Variants in GSAP observed in about 807,000 individuals in gnomAD.
GSAP encodes the protein gamma-secretase activating protein.
GSAP carries 118 observed loss-of-function variants against 131.7 expected under a neutral mutation model. That is an observed-to-expected ratio of 0.90 (90% CI 0.77 to 1.04). GSAP has a LOEUF of 1.04. GSAP is among the 50% of genes least tolerant of loss of function. GSAP has a pLI of 0.00. For synonymous variants in GSAP, 381 were observed against 363.4 expected (o/e 1.05, Z -0.55); for missense variants, 1,019 against 1,013.2 (o/e 1.01, Z -0.08).
chr7:77,389,289 G>A (rs1799058449), intron 5 of GSAP, among the ~76,000 whole-genome samples: 1 of 147,704 alleles, frequency 6.8e-6, no homozygotes, highest in East Asian at 2.0e-4. Flanking sequence ...ATGTGTGTGT[G>A]TATATATATA....
intron 1 of GSAP, among the ~76,000 whole-genome samples, chr7:77,411,098 TAAAAA>T (rs57255266): frequency 1.8e-5 from 2 of 108,866 alleles, no homozygotes; most frequent in African/African-American, 3.6e-5. Context: ...AAGAAAATAG[TAAAAA>T]AAAAAAAAAA....
At chr7:77,396,840 G>T in intron 5 of GSAP, 142 bp downstream of exon 5, 3 of 474,836 alleles carry the variant, frequency 6.3e-6, no homozygotes, top group African/African-American at 2.0e-5. Flanking sequence ...TCTTTTTCAT[G>T]CTTGACATGA....
At chr7:77,330,486 A>T (rs1788942619) in intron 19 of GSAP, 119 bp from the exon 20 acceptor site, 1 of 1,428,498 alleles carries the variant, frequency 7.0e-7, no homozygotes, top group Non-Finnish European at 9.2e-7. Flanking sequence ...CTGAGTGAAT[A>T]CTTTGTACAG....
rs1200040086 is a variant in GSAP, at chr7:77,334,579, T to TA, written c.1546-4213_1546-4212insT. On this transcript the variant is annotated intron_variant, in intron 19 of 30. Transcript: ENST00000257626. ...GCCCATGTATCCTGGAACTTAAAATTTAAAAAAAAAAAAAAAAAAAAAAAA... is the reference window on the plus strand; with the variant it reads ...GCCCATGTATCCTGGAACTTAAAATTATAAAAAAAAAAAAAAAAAAAAAAAA... 3.0e-3 allele frequency among the ~76,000 whole-genome samples: 249 copies of TA among 82,390 alleles called. 9 individuals carry two copies. Among genetic ancestry groups the TA allele is most frequent in the African/African-American group, 7.9e-3 (162 of 20,406 alleles). 54.1% of individuals were successfully genotyped at this position (82,390 alleles called of 152,430 possible).
intron 30 of GSAP, 90 bp from the exon 31 acceptor site, chr7:77,311,539 A>G (rs1794356182): frequency 1.5e-6 from 1 of 672,916 alleles, no homozygotes; most frequent in Non-Finnish European, 2.6e-6. Context: ...CATTAAAATC[A>G]TAATTGTATT....
intron 2 of GSAP, 134 bp from the exon 3 acceptor site, chr7:77,404,749 A>AG: frequency 1.6e-6 from 1 of 635,642 alleles, no homozygotes. Flanking sequence ...TGCCTGTCAG[A>AG]GGGGGACTGA....
intron 12 of GSAP, among the ~76,000 whole-genome samples, chr7:77,366,145 A>G (rs932123565): frequency 6.6e-6 from 1 of 152,064 alleles, no homozygotes; most frequent in African/African-American, 2.4e-5. Flanking sequence ...GGCCTTTGTC[A>G]GATGCATAGT....
upstream of GSAP, chr7:77,416,381 G>T: frequency 1.1e-6 from 1 of 913,056 alleles, no homozygotes; most frequent in Non-Finnish European, 1.6e-6. Flanking sequence ...TCCCGGCCCC[G>T]CGTGGCCGCC....
At chr7:77,382,225 A>G (rs185918487) in intron 7 of GSAP, among the ~76,000 whole-genome samples, 201 of 152,172 alleles carry the variant, frequency 1.3e-3, no homozygotes, top group Non-Finnish European at 2.2e-3. Flanking sequence ...GCATCTCCAT[A>G]TTATAGTTAT....
chr7:77,355,490 ATAGATAT>A lies in GSAP; in HGVS notation c.1120+58_1121-61del, dbSNP rs1793541134. On this transcript the variant is annotated intron_variant, in intron 15 of 30. Transcript: ENST00000257626. ...TAGAAGAAACTCCTTTCACCCAAAC[ATAGATAT>A]TAAAGTCAAAACAAACTCAAATGGG... 22 of 1,515,302 alleles carry A rather than the reference ATAGATAT, an allele frequency of 1.5e-5. No homozygotes were observed. In the South Asian group the frequency reaches 2.6e-4, roughly 18 times the overall value. The allele number at this position is 1,515,302 out of a possible 1,614,324, so 93.9% of individuals were successfully genotyped here. A position where few individuals can be genotyped will look rare whatever the true frequency, so the allele number is the denominator to read the frequency against.
At position 77,311,728 on chromosome 7, in the gene GSAP, G is replaced by T. The variant is rs943643641; in HGVS notation, c.2473+113C>A. The T allele has an allele frequency of 1.3e-5, 8 of 635,972 alleles. No homozygotes were observed. The Admixed American group carries it at 2.1e-4, about 17-fold the overall frequency. 39.4% of individuals were successfully genotyped at this position (635,972 alleles called of 1,614,324 possible). On this transcript the variant is annotated intron_variant, in intron 30 of 30. Coordinates refer to ENST00000257626, the MANE Select transcript of GSAP (RefSeq NM_017439.4). ...TGCTAATGTAAACCAATTGCTATAA[G>T]GGTCTACTTGTATGTTAAAAGGATT...
At chr7:77,340,578 A>G (rs1031631973) in intron 19 of GSAP, among the ~76,000 whole-genome samples, 23 of 152,098 alleles carry the variant, frequency 1.5e-4, no homozygotes, top group Non-Finnish European at 2.9e-4. Context: ...CTGTCCTTCC[A>G]ATTCCAGTTA....
At chr7:77,353,517 C>T in intron 17 of GSAP, 55 bp downstream of exon 17, 1 of 1,160,398 alleles carries the variant, frequency 8.6e-7, no homozygotes, top group Non-Finnish European at 1.3e-6. Flanking sequence ...TACTGCTTTC[C>T]CTCAAGCAAA....
chr7:77,392,643 G>T (rs1799769575), intron 5 of GSAP, among the ~76,000 whole-genome samples: 1 of 152,168 alleles, frequency 6.6e-6, no homozygotes, highest in African/African-American at 2.4e-5. Context: ...GAGACAGCAG[G>T]ATCAGGCAGA....
intron 5 of GSAP, among the ~76,000 whole-genome samples, chr7:77,395,614 AATG>A (rs1030595987): frequency 6.6e-6 from 1 of 152,050 alleles, no homozygotes; most frequent in African/African-American, 2.4e-5. Flanking sequence ...GAGCAATACA[AATG>A]ATGAGATTTC....
chr7:77,378,870 A>G (rs1213830423), intron 8 of GSAP, among the ~76,000 whole-genome samples: 1 of 152,240 alleles, frequency 6.6e-6, no homozygotes, highest in African/African-American at 2.4e-5. Flanking sequence ...AAGAATAAGG[A>G]CAGGTTAGGG....
chr7:77,411,359 AG>A (rs1200960987), intron 1 of GSAP, among the ~76,000 whole-genome samples: 3 of 152,368 alleles, frequency 2.0e-5, no homozygotes, highest in Non-Finnish European at 2.9e-5. Flanking sequence ...TTTAAATGTT[AG>A]AAAACTTACA....
intron 1 of GSAP, 62 bp downstream of exon 1, chr7:77,416,151 C>A: frequency 1.0e-6 from 1 of 989,294 alleles, no homozygotes; most frequent in South Asian, 2.0e-5. Flanking sequence ...GGTCGGAGTC[C>A]GGGGGGTATG....
At chr7:77,412,714 A>C (rs1032014700) in intron 1 of GSAP, among the ~76,000 whole-genome samples, 2 of 151,772 alleles carry the variant, frequency 1.3e-5, no homozygotes, top group African/African-American at 4.8e-5. Context: ...TCAAGTGGCC[A>C]GTAAATACAT....
Sources: allele counts gnomAD v4.1 joint callset (sites outside exome capture counted in the v4.1 genomes callset), GRCh38; gene constraint gnomAD v4.1.1; transcripts MANE v1.5; gene names NCBI Gene and HGNC (gene_info 2026-07-23, HGNC 2026-07-21).